Variants in PTPN13 observed in about 807,000 individuals in gnomAD.
PTPN13 encodes protein tyrosine phosphatase non-receptor type 13.
Under a neutral mutation model 284.0 loss-of-function variants are expected in PTPN13, and 191 were observed. The ratio of observed to expected loss-of-function variants is 0.67; its 90% confidence interval spans 0.60 to 0.76. The LOEUF is 0.76. Among genes scored for constraint, PTPN13 ranks in the 30% least tolerant of loss-of-function variants. PTPN13 has a pLI of 0.00. For missense variants in PTPN13, 2,797 were observed against 2,939.9 expected, an observed-to-expected ratio of 0.95 and a Z score of 1.12; for synonymous variants, 986 against 1,022.3, an observed-to-expected ratio of 0.96 and a Z score of 0.68.
In PTPN13 at chr4:86,705,460, GAGAC is replaced by G. The variant is rs368861092; in HGVS notation, c.1195+3662_1195+3665del. ...CATTTTTCTCATTTAATTCTAGTGA[GAGAC>G]AGGCTTCACAGATCCCTTTTATGTG... is the stretch of plus-strand genomic sequence containing the variant. On this transcript the variant is annotated intron_variant, in intron 7 of 47. Coordinates refer to ENST00000411767, the MANE Select transcript of PTPN13 (RefSeq NM_080683.3). Among the ~76,000 whole-genome samples the G allele has an allele frequency of 5.6e-3, 851 of 152,122 alleles. 7 individuals carry two copies. Among genetic ancestry groups the G allele is most frequent in the African/African-American group, 0.018 (757 of 41,472 alleles).
chr4:86,654,019 G>T (rs1447161887), intron 2 of PTPN13, among the ~76,000 whole-genome samples: 1 of 152,244 alleles, frequency 6.6e-6, no homozygotes, highest in African/African-American at 2.4e-5. Flanking sequence ...CACATTTAAA[G>T]CAGTGTGTAG....
intron 7 of PTPN13, among the ~76,000 whole-genome samples, chr4:86,705,541 A>G (rs886760501): frequency 3.3e-5 from 5 of 152,128 alleles, no homozygotes; most frequent in African/African-American, 1.2e-4. Context: ...TATTGTACAC[A>G]TTTCTTTCTT....
intron 17 of PTPN13, among the ~76,000 whole-genome samples, chr4:86,748,460 A>C (rs943633734): frequency 8.5e-5 from 13 of 152,288 alleles, no homozygotes; most frequent in African/African-American, 3.1e-4. Context: ...AAACTGACTA[A>C]ACTGAGCCTG....
chr4:86,642,194 C>T (rs1723873419), intron 2 of PTPN13, among the ~76,000 whole-genome samples: 1 of 152,054 alleles, frequency 6.6e-6, no homozygotes, highest in South Asian at 2.1e-4. Flanking sequence ...CCTACCTTTC[C>T]TATCTCTAGT....
At chr4:86,669,343 A>C (rs796325953) in intron 2 of PTPN13, among the ~76,000 whole-genome samples, 1 of 143,864 alleles carries the variant, frequency 7.0e-6, no homozygotes, top group African/African-American at 2.5e-5. Context: ...ATATACTTTA[A>C]ATGTTCAATA....
chr4:86,653,552 C>G (rs891051543), intron 2 of PTPN13, among the ~76,000 whole-genome samples: 1 of 148,548 alleles, frequency 6.7e-6, no homozygotes, highest in Non-Finnish European at 1.5e-5. Flanking sequence ...CACAGAAAAA[C>G]ATGCACCTAA....
chr4:86,684,444 A>T (rs1436215986), intron 3 of PTPN13, among the ~76,000 whole-genome samples: 1 of 152,194 alleles, frequency 6.6e-6, no homozygotes, highest in Non-Finnish European at 1.5e-5. Flanking sequence ...AGAAAACTTA[A>T]AAATCTGCTT....
intron 2 of PTPN13, among the ~76,000 whole-genome samples, chr4:86,651,330 G>A (rs915038683): frequency 6.6e-6 from 1 of 151,954 alleles, no homozygotes; most frequent in Non-Finnish European, 1.5e-5. Flanking sequence ...ATTTTGTTGA[G>A]GATTTTTGCA....
At chr4:86,814,000 CTTTTTTTTTT>C (rs535405150) in intron 47 of PTPN13, among the ~76,000 whole-genome samples, 2 of 100,044 alleles carry the variant, frequency 2.0e-5, no homozygotes, top group Non-Finnish European at 2.0e-5. Context: ...TACCCTGCTT[CTTTTTTTTTT>C]TTTTTTTTTT....
intron 12 of PTPN13, 59 bp downstream of exon 12, chr4:86,732,825 CTA>C (rs754396423): frequency 4.1e-6 from 6 of 1,447,828 alleles, no homozygotes; most frequent in Non-Finnish European, 3.8e-6. Flanking sequence ...AGCAGACTTC[CTA>C]TGTTTGTTAC....
At chr4:86,739,617 C>T (rs1456150909) in intron 15 of PTPN13, among the ~76,000 whole-genome samples, 2 of 152,182 alleles carry the variant, frequency 1.3e-5, no homozygotes, top group Non-Finnish European at 2.9e-5. Context: ...CCATATTCCA[C>T]TTCTGGCCCC....
chr4:86,608,716 C>T (rs1765012453), intron 1 of PTPN13, among the ~76,000 whole-genome samples: 1 of 151,932 alleles, frequency 6.6e-6, no homozygotes, highest in Admixed American at 6.6e-5. Context: ...AGCCTGTGTG[C>T]CTAAACACTA....
chr4:86,780,555 A>C lies in PTPN13; in HGVS notation c.5962+83A>C, dbSNP rs1183727385. ...CATCCATTTTGGAAAACAGGTTGAC[A>C]ATTTCTTAAAAATTATAACTTACAC... On this transcript the variant is annotated intron_variant, in intron 36 of 47. Transcript: ENST00000411767. 4.4e-6 allele frequency: 4 copies of C among 907,234 alleles called. No individual in the cohort carries two copies. The Admixed American group carries it at 6.1e-5, about 14-fold the overall frequency. The allele number at this position is 907,234 out of a possible 1,614,324, so 56.2% of individuals were successfully genotyped here. A position where few individuals can be genotyped will look rare whatever the true frequency, so the allele number is the denominator to read the frequency against.
chr4:86,670,206 A>T (rs1485276167), intron 2 of PTPN13, among the ~76,000 whole-genome samples: 3 of 136,734 alleles, frequency 2.2e-5, no homozygotes, highest in Non-Finnish European at 3.1e-5. Context: ...TCATCAAGTC[A>T]CATGGCTTTA....
chr4:86,602,694 A>ATT (rs202040513), intron 1 of PTPN13, among the ~76,000 whole-genome samples: 13 of 138,112 alleles, frequency 9.4e-5, no homozygotes, highest in East Asian at 2.1e-4. Flanking sequence ...TATTTTTCTG[A>ATT]TTTTTTTTTT....
At chr4:86,764,532 A>G (rs1739061643) in intron 24 of PTPN13, 61 bp from the exon 25 acceptor site, 2 of 1,281,816 alleles carry the variant, frequency 1.6e-6, no homozygotes, top group Admixed American at 3.5e-5. Context: ...AATTAAAAAA[A>G]GAAAAATTAT....
intron 2 of PTPN13, among the ~76,000 whole-genome samples, chr4:86,640,264 T>C (rs948587005): frequency 3.9e-5 from 6 of 152,216 alleles, no homozygotes; most frequent in African/African-American, 1.4e-4. Flanking sequence ...TCTGGGTGTT[T>C]TAAATAAACA....
intron 7 of PTPN13, among the ~76,000 whole-genome samples, chr4:86,705,163 A>G (rs185518535): frequency 3.9e-4 from 60 of 151,992 alleles, no homozygotes; most frequent in South Asian, 3.1e-3. Context: ...GTGAAACCCC[A>G]TCTCTACTAA....
intron 3 of PTPN13, among the ~76,000 whole-genome samples, chr4:86,677,140 A>T (rs907733575): frequency 1.3e-5 from 2 of 151,628 alleles, no homozygotes; most frequent in African/African-American, 4.8e-5. Flanking sequence ...GGTGGCGGGC[A>T]CCAGTAGTCC....
Sources: gnomAD v4.1 joint callset for allele counts (sites outside exome capture counted in the v4.1 genomes callset) on GRCh38, gnomAD v4.1.1 for gene constraint, MANE v1.5 for transcripts, NCBI Gene and HGNC (gene_info 2026-07-23, HGNC 2026-07-21) for gene names.